Variants in UBE4B observed in about 807,000 individuals in gnomAD.
The protein encoded by UBE4B is ubiquitination factor E4B.
Under a neutral mutation model 148.1 loss-of-function variants are expected in UBE4B, and 27 were observed. The ratio of observed to expected loss-of-function variants is 0.18; its 90% CI spans 0.13 to 0.25. UBE4B has a LOEUF of 0.25. Among genes scored for constraint, UBE4B ranks in the 10% least tolerant of loss-of-function variants. UBE4B has a pLI of 1.00. For synonymous variants in UBE4B, 596 were observed against 619.3 expected (o/e 0.96, Z 0.56); for missense variants, 1,170 against 1,662.4 (o/e 0.70, Z 5.15).
intron 2 of UBE4B, among the ~76,000 whole-genome samples, chr1:10,094,659 C>T (rs535657224): frequency 1.6e-4 from 24 of 152,136 alleles, no homozygotes; most frequent in Admixed American, 3.9e-4. Context: ...TGGTCTCAAT[C>T]TCCTGACCTT....
At chr1:10,119,075 G>A (rs896398179) in intron 8 of UBE4B, among the ~76,000 whole-genome samples, 1 of 151,430 alleles carries the variant, frequency 6.6e-6, no homozygotes, top group African/African-American at 2.4e-5. Flanking sequence ...TAGAGATGGG[G>A]TTTCACCATG....
intron 23 of UBE4B, among the ~76,000 whole-genome samples, chr1:10,166,032 T>C (rs1646240565): frequency 1.3e-5 from 2 of 152,168 alleles, no homozygotes; most frequent in South Asian, 4.1e-4. Context: ...TCTGCCTTTC[T>C]TTCAGTAGGC....
At chr1:10,096,200 T>C (rs1413507211) in intron 3 of UBE4B, among the ~76,000 whole-genome samples, 1 of 152,168 alleles carries the variant, frequency 6.6e-6, no homozygotes, top group African/African-American at 2.4e-5. Context: ...TACTAATTAG[T>C]GAAATTTAAA....
In UBE4B at chr1:10,107,276, TGATGAAGAA is replaced by T. The variant is rs1248226561; in HGVS notation, c.1196+705_1196+713del. On this transcript the variant is annotated intron_variant, in intron 7 of 27. Transcript: ENST00000343090. Reference sequence around the variant, plus strand: ...TCCTCGCACTTTCTGGGGACAGTAGTGATGAAGAAGATGAAGAAGAAGATGATGATGATG... The same window carrying T: ...TCCTCGCACTTTCTGGGGACAGTAGTGATGAAGAAGAAGATGATGATGATG... 10 of 1,289,462 alleles carry T rather than the reference TGATGAAGAA, an allele frequency of 7.8e-6. No homozygotes were observed. The East Asian group carries it at 1.7e-4, about 21-fold the overall frequency. 79.9% of individuals were successfully genotyped at this position (1,289,462 alleles called of 1,614,324 possible). A position where few individuals can be genotyped will look rare whatever the true frequency, so the allele number is the denominator to read the frequency against.
intron 1 of UBE4B, among the ~76,000 whole-genome samples, chr1:10,038,819 G>A (rs891031036): frequency 6.6e-6 from 1 of 152,068 alleles, no homozygotes; most frequent in African/African-American, 2.4e-5. Context: ...AGTTGGGGCC[G>A]GGCGCGGTGG....
chr1:10,170,424 G>A (rs1345749670), intron 24 of UBE4B, among the ~76,000 whole-genome samples: 1 of 152,136 alleles, frequency 6.6e-6, no homozygotes, highest in Non-Finnish European at 1.5e-5. Context: ...GAATGCTTTC[G>A]TGACTCCCTT....
chr1:10,055,512 C>T (rs953423228), intron 1 of UBE4B, among the ~76,000 whole-genome samples: 1 of 152,042 alleles, frequency 6.6e-6, no homozygotes, highest in African/African-American at 2.4e-5. Flanking sequence ...GCGATGGGGT[C>T]TCGTTATGTT....
intron 18 of UBE4B, among the ~76,000 whole-genome samples, chr1:10,145,857 A>G (rs892073647): frequency 2.0e-5 from 3 of 152,228 alleles, no homozygotes; most frequent in Non-Finnish European, 4.4e-5. Context: ...CTGGTGAGAC[A>G]TAGCTAAAAA....
At chr1:10,162,126 A>C (rs148692326) in intron 23 of UBE4B, among the ~76,000 whole-genome samples, 1 of 151,622 alleles carries the variant, frequency 6.6e-6, no homozygotes, top group Non-Finnish European at 1.5e-5. Context: ...AGCCTTCTGA[A>C]TAGCTGGGAT....
At chr1:10,120,044 A>G (rs1188115168) in intron 9 of UBE4B, among the ~76,000 whole-genome samples, 1 of 152,246 alleles carries the variant, frequency 6.6e-6, no homozygotes, top group East Asian at 1.9e-4. Context: ...TAGTTTAGGA[A>G]TCAACCAAAG....
intron 17 of UBE4B, among the ~76,000 whole-genome samples, chr1:10,137,931 T>C (rs1374995634): frequency 6.5e-5 from 8 of 122,928 alleles, no homozygotes; most frequent in Non-Finnish European, 1.0e-4. Context: ...CTTTTTTTTT[T>C]TTTTTTTTTT....
At chr1:10,167,970 G>A (rs932757948) in intron 23 of UBE4B, among the ~76,000 whole-genome samples, 166 bp from the exon 24 acceptor site, 5 of 152,190 alleles carry the variant, frequency 3.3e-5, no homozygotes, top group South Asian at 2.1e-4. Flanking sequence ...AAAGAGCTCC[G>A]ATGCTGAAAG....
chr1:10,106,994 G>A lies in UBE4B; in HGVS notation c.1196+411G>A, dbSNP rs1467382812. Among the ~76,000 whole-genome samples the A allele has an allele frequency of 2.6e-5, 4 of 152,154 alleles. No homozygotes were observed. Among genetic ancestry groups the A allele is most frequent in the Non-Finnish European group, 1.5e-5 (1 of 68,028 alleles). ...CGTGTTGAGTTTTAGTTATATGTAA[G>A]TTCAGTCTCTTAGAAGGAAGCAGTA... is the stretch of plus-strand genomic sequence containing the variant. On this transcript the variant is annotated intron_variant, in intron 7 of 27. Transcript: ENST00000343090. This position sits in a 1 kb window ranked among gnomAD's most constrained non-coding sequence, Gnocchi z 4.2.
intron 1 of UBE4B, among the ~76,000 whole-genome samples, chr1:10,035,147 C>G (rs1212106400): frequency 6.6e-6 from 1 of 151,384 alleles, no homozygotes; most frequent in Admixed American, 6.6e-5. Context: ...TACAGGCGCC[C>G]GCTACCACGC....
rs553415903 is a variant in UBE4B, at chr1:10,064,334, A to G, written c.25-7694A>G. ...TGAATTTGAATCCTGAAAACCTAAT[A>G]TAAGATGGTGAAAAAAAGGTGATAC... On this transcript the variant is annotated intron_variant, in intron 1 of 27. Transcript: ENST00000343090. Among the ~76,000 whole-genome samples the G allele has an allele frequency of 6.6e-5, 10 of 152,380 alleles. No homozygotes were observed. In the East Asian group the frequency reaches 1.9e-3, roughly 29 times the overall value.
chr1:10,095,229 A>G (rs904011294), intron 2 of UBE4B, among the ~76,000 whole-genome samples: 4 of 152,188 alleles, frequency 2.6e-5, no homozygotes, highest in Non-Finnish European at 5.9e-5. Flanking sequence ...CATTAGATGT[A>G]GCTCTGTTAC....
rs1645555340 is a variant in UBE4B at position 10,129,468 on chromosome 1, G to A, written c.1695+20G>A. ...AATTTGGTAAGCACTCACCTGATGG[G>A]CTTGCACATTTTCAGTGAATATATC... On this transcript the variant is annotated intron_variant, in intron 12 of 27. Coordinates refer to ENST00000343090, the MANE Select transcript of UBE4B (RefSeq NM_001105562.3). 6 of 1,602,960 alleles carry A rather than the reference G, an allele frequency of 3.7e-6. No individual in the cohort carries two copies. The highest frequency in any genetic ancestry group is 5.1e-6 in the Non-Finnish European group (6 of 1,170,946).
intron 2 of UBE4B, among the ~76,000 whole-genome samples, chr1:10,082,024 C>T (rs1644690820): frequency 1.3e-5 from 2 of 152,108 alleles, no homozygotes; most frequent in African/African-American, 2.4e-5. Flanking sequence ...CTATTCTTAT[C>T]CCTCCAAATT....
At chr1:10,052,189 C>T (rs1006702290) in intron 1 of UBE4B, among the ~76,000 whole-genome samples, 15 of 151,980 alleles carry the variant, frequency 9.9e-5, no homozygotes, top group African/African-American at 3.4e-4. Context: ...ACCTCAGCCT[C>T]CCGAGTAGCT....
Sources: allele counts gnomAD v4.1 joint callset (sites outside exome capture counted in the v4.1 genomes callset), GRCh38; gene constraint gnomAD v4.1.1; non-coding constraint Gnocchi (gnomAD v3.1); transcripts MANE v1.5; gene names NCBI Gene and HGNC (gene_info 2026-07-23, HGNC 2026-07-21).